Variants in NUP98 observed in about 807,000 individuals in gnomAD.
NUP98 encodes nucleoporin 98 and 96 precursor, also known as nuclear pore complex protein Nup98-Nup96.
NUP98 carries 26 observed loss-of-function variants against 191.9 expected under a neutral mutation model. The ratio of observed to expected loss-of-function variants is 0.14; its 90% CI spans 0.10 to 0.19. NUP98 has a LOEUF of 0.19. NUP98 is among the 10% of genes least tolerant of loss of function. The pLI, the probability that NUP98 is intolerant of heterozygous loss-of-function variation, is 1.00. For missense variants in NUP98, 1,941 were observed against 2,178.8 expected, an observed-to-expected ratio of 0.89 and a Z score of 2.17; for synonymous variants, 808 against 778.4, an observed-to-expected ratio of 1.04 and a Z score of -0.63.
intron 14 of NUP98, among the ~76,000 whole-genome samples, chr11:3,727,834 G>A (rs554815889): frequency 2.0e-5 from 3 of 152,044 alleles, no homozygotes; most frequent in African/African-American, 4.8e-5. Context: ...GACCAGCCTG[G>A]GCAACACAGC....
intron 20 of NUP98, among the ~76,000 whole-genome samples, chr11:3,707,200 C>CA (rs1375070272): frequency 2.6e-5 from 4 of 152,138 alleles, no homozygotes; most frequent in African/African-American, 7.2e-5. Context: ...TCTACTCTTC[C>CA]AAAAAACAAA....
At chr11:3,737,422 G>A (rs111616196) in intron 12 of NUP98, among the ~76,000 whole-genome samples, 1,537 of 151,466 alleles carry the variant, frequency 0.01, 31 homozygotes, top group African/African-American at 0.036. Flanking sequence ...TCAGGAGATC[G>A]AGACTATCCT....
At chr11:3,720,580 AG>A (rs2079353095) in intron 17 of NUP98, 131 bp downstream of exon 17, 1 of 474,034 alleles carries the variant, frequency 2.1e-6, no homozygotes, top group South Asian at 4.8e-5. Flanking sequence ...TATCAATCAA[AG>A]TATTTAAGAT....
At chr11:3,729,234 C>T (rs1350980856) in intron 14 of NUP98, among the ~76,000 whole-genome samples, 1 of 151,918 alleles carries the variant, frequency 6.6e-6, no homozygotes, top group East Asian at 1.9e-4. Flanking sequence ...ATGTGATCAA[C>T]AACTGAGCCA....
intron 10 of NUP98, 166 bp downstream of exon 10, chr11:3,760,373 C>T (rs1340167398): frequency 1.0e-6 from 1 of 959,170 alleles, no homozygotes; most frequent in African/African-American, 1.6e-5. Flanking sequence ...TACTTCACAT[C>T]AAGCTACCGC....
At chr11:3,720,430 G>T (rs904248725) in intron 17 of NUP98, among the ~76,000 whole-genome samples, 2 of 152,076 alleles carry the variant, frequency 1.3e-5, no homozygotes, top group African/African-American at 4.8e-5. Context: ...TGCTTCTCAG[G>T]AGGCTGAGGC....
At chr11:3,768,021 TTAG>T (rs1281245647) in intron 8 of NUP98, among the ~76,000 whole-genome samples, 1 of 152,132 alleles carries the variant, frequency 6.6e-6, no homozygotes, top group Non-Finnish European at 1.5e-5. Context: ...TAGTTCCTAC[TTAG>T]TAATGAGAAA....
intron 25 of NUP98, among the ~76,000 whole-genome samples, chr11:3,696,214 G>A (rs1435896293): frequency 1.3e-5 from 2 of 151,852 alleles, no homozygotes; most frequent in Non-Finnish European, 2.9e-5. Context: ...GAAAAATGGA[G>A]GAAAACACTG....
At position 3,745,421 on chromosome 11, in the gene NUP98, A is replaced by G. The variant is rs956988272; in HGVS notation, c.1268-772T>C. Among the ~76,000 whole-genome samples, 6 of 152,194 alleles carry G rather than the reference A, an allele frequency of 3.9e-5. 1 individual carries two copies. The highest frequency in any genetic ancestry group is 1.4e-4 in the African/African-American group (6 of 41,530). Reference sequence around the variant, plus strand: ...ACGAACCAGAGTGGTTGGACTAAGAACTCATTTTCACCAGAGGAAAACCCA... The same window carrying G: ...ACGAACCAGAGTGGTTGGACTAAGAGCTCATTTTCACCAGAGGAAAACCCA... On this transcript the variant is annotated intron_variant, in intron 11 of 32. Transcript: ENST00000324932.
At chr11:3,760,461 A>G (rs752704175) in intron 10 of NUP98, 78 bp downstream of exon 10, 1 of 1,608,132 alleles carries the variant, frequency 6.2e-7, no homozygotes, top group East Asian at 2.2e-5. Context: ...TAACTTTAAG[A>G]GAGCCAAACC....
At chr11:3,780,846 G>A (rs184515284) in intron 2 of NUP98, among the ~76,000 whole-genome samples, 16 of 152,072 alleles carry the variant, frequency 1.1e-4, no homozygotes, top group East Asian at 3.9e-4. Flanking sequence ...TTGGGAGGCC[G>A]AGGCGGGCAG....
chr11:3,750,245 G>A (rs557508355), intron 11 of NUP98, among the ~76,000 whole-genome samples: 4 of 151,958 alleles, frequency 2.6e-5, no homozygotes, highest in South Asian at 4.2e-4. Flanking sequence ...TCAGCCTCCC[G>A]AGTAGCTTGG....
chr11:3,747,162 A>G (rs554629352), intron 11 of NUP98, among the ~76,000 whole-genome samples: 38 of 152,340 alleles, frequency 2.5e-4, no homozygotes, highest in Middle Eastern at 6.8e-3. Flanking sequence ...AAAATGTGCT[A>G]TATTTATGAT....
intron 21 of NUP98, among the ~76,000 whole-genome samples, chr11:3,705,945 T>A (rs1589995596): frequency 6.8e-6 from 1 of 146,744 alleles, no homozygotes; most frequent in Admixed American, 6.8e-5. Context: ...AGGTCAGGAG[T>A]TCGAGACCAG....
Position 3,762,945 on chromosome 11 carries a change from C to G in NUP98, c.1043G>C (p.Gly348Ala). The G allele has an allele frequency of 6.2e-7, 1 of 1,614,130 alleles. No individual in the cohort carries two copies. ...TCCAGTATTGGTCTGCCCAAAGAGA[C>G]CTGTTCCTGTTCCAAATGCTGTCCC... The part of the protein sequence containing the change: ...STGTAFGTGT[G>A]LFGQTNTGFG... Residue 348 changes from glycine to alanine, a missense_variant, in exon 9 of 33, where the codon GGT becomes GCT. Transcript: ENST00000324932.
At chr11:3,743,668 T>C (rs923531337) in intron 12 of NUP98, among the ~76,000 whole-genome samples, 1 of 132,532 alleles carries the variant, frequency 7.5e-6, no homozygotes, top group African/African-American at 2.9e-5. Flanking sequence ...AAAAAAAAAG[T>C]AAGTTAATTT....
intron 11 of NUP98, among the ~76,000 whole-genome samples, chr11:3,747,522 A>C (rs1357744515): frequency 6.6e-6 from 1 of 152,212 alleles, no homozygotes; most frequent in African/African-American, 2.4e-5. Context: ...CCATGAGTTA[A>C]TGAATGTTTC....
intron 2 of NUP98, among the ~76,000 whole-genome samples, chr11:3,780,076 G>A (rs1052749314): frequency 6.6e-6 from 1 of 152,052 alleles, no homozygotes; most frequent in Non-Finnish European, 1.5e-5. Context: ...ACATGTTCAG[G>A]TTTCAACTCC....
rs778369949 is a variant in NUP98, at chr11:3,723,198, C to T, written c.2105G>A (p.Arg702Gln). Residue 702 changes from arginine (R) to glutamine (Q), a missense_variant, in exon 16 of 33, where the codon CGA becomes CAA. Physicochemically the swap from Arg to Gln is conservative, Grantham distance 43 (BLOSUM62 1). Coordinates refer to ENST00000324932, the MANE Select transcript of NUP98 (RefSeq NM_016320.5). ...SFHDESLQDD[R>Q]EEIENNSYHM... ...GTAAGAATTATTTTCTATTTCTTCT[C>T]GGTCATCCTGAAGTGACTCATCATG... 1.2e-5 allele frequency: 20 copies of T among 1,614,000 alleles called. No individual in the cohort carries two copies. The Admixed American group carries it at 2.0e-4, about 16-fold the overall frequency.
Sources: gnomAD v4.1 joint callset for allele counts (sites outside exome capture counted in the v4.1 genomes callset) on GRCh38, gnomAD v4.1.1 for gene constraint, MANE v1.5 for transcripts, NCBI Gene and HGNC (gene_info 2026-07-23, HGNC 2026-07-21) for gene names.